Variants in ZNF30 observed in about 807,000 individuals in gnomAD.
ZNF30 encodes the protein zinc finger protein 30 (KOX 28).
ZNF30 carries 15 observed loss-of-function variants against 13.2 expected under a neutral mutation model. The ratio of observed to expected loss-of-function variants is 1.13; its 90% CI spans 0.76 to 1.75. ZNF30 has a LOEUF of 1.75. Ranked by LOEUF, ZNF30 falls within the 40% of genes most tolerant of loss-of-function variation. ZNF30 has a pLI of 0.00. For missense variants in ZNF30, 726 were observed against 757.0 expected, an observed-to-expected ratio of 0.96 and a Z score of 0.48; for synonymous variants, 223 against 256.6, an observed-to-expected ratio of 0.87 and a Z score of 1.25.
At chr19:34,925,339 G>A (rs188552769), upstream of ZNF30, among the ~76,000 whole-genome samples, 3 of 152,356 alleles carry the variant, frequency 2.0e-5, no homozygotes, top group East Asian at 5.8e-4. Context: ...GAGGATGACT[G>A]CAGGGTTTTG....
chr19:34,943,519 T>G lies in ZNF30; in HGVS notation c.553T>G (p.Phe185Val). 6.2e-7 allele frequency: 1 copy of G among 1,613,688 alleles called. No individual in the cohort carries two copies. The highest frequency in any genetic ancestry group is 8.5e-7 in the Non-Finnish European group (1 of 1,179,736). ...TAAATATGAAAAATGTGGGAAGGCCTTTATCAGTGGCTCAGCCTTTGTTAA... is the reference window on the plus strand; with the variant it reads ...TAAATATGAAAAATGTGGGAAGGCCGTTATCAGTGGCTCAGCCTTTGTTAA... The part of the protein sequence containing the change: ...PYKYEKCGKA[F>V]ISGSAFVKHG... Residue 185 changes from phenylalanine to valine, a missense_variant, in exon 5 of 5, where the codon TTT becomes GTT. Phe to Val is a conservative substitution (Grantham distance 50). Coordinates refer to ENST00000601142, the MANE Select transcript of ZNF30 (RefSeq NM_194325.3).
At chr19:34,940,637 C>G (rs75905771) in intron 4 of ZNF30, among the ~76,000 whole-genome samples, 2,404 of 143,382 alleles carry the variant, frequency 0.017, 73 homozygotes, top group African/African-American at 0.06. Flanking sequence ...CACAGCACTC[C>G]TGCCTGGGCA....
chr19:34,937,075 G>T (rs975232482), intron 4 of ZNF30, among the ~76,000 whole-genome samples: 1 of 151,682 alleles, frequency 6.6e-6, no homozygotes, highest in Non-Finnish European at 1.5e-5. Flanking sequence ...GCAGTGGTGC[G>T]ATCTCAGCTC....
chr19:34,938,769 A>G (rs1600227691), intron 4 of ZNF30, among the ~76,000 whole-genome samples: 1 of 152,148 alleles, frequency 6.6e-6, no homozygotes, highest in Non-Finnish European at 1.5e-5. Flanking sequence ...CTGTTTGGAA[A>G]ATGCCATAGC....
chr19:34,939,091 T>A (rs971260190), intron 4 of ZNF30, among the ~76,000 whole-genome samples: 11 of 149,462 alleles, frequency 7.4e-5, no homozygotes, highest in Non-Finnish European at 1.3e-4. Flanking sequence ...TTCCACTCAG[T>A]CCACATGCAA....
Position 34,943,640 on chromosome 19 carries a change from T to G in ZNF30, c.674T>G (p.Ile225Ser). The change falls in exon 5 of 5, where the codon ATT becomes AGT. Residue 225 changes from isoleucine (I) to serine (S), a missense_variant. By Grantham distance (142) the Ile-to-Ser change is moderately radical. Coordinates refer to ENST00000601142, the MANE Select transcript of ZNF30 (RefSeq NM_194325.3). ...TATCAACTTACAGTACATAAGAGTA[T>G]TCATACTGGGAAGAAACCATATGAG... ...GSYQLTVHKS[I>S]HTGKKPYECG... The G allele has an allele frequency of 1.2e-6, 2 of 1,613,742 alleles. No individual in the cohort carries two copies. Among genetic ancestry groups the G allele is most frequent in the Non-Finnish European group, 1.7e-6 (2 of 1,179,802 alleles).
intron 1 of ZNF30, among the ~76,000 whole-genome samples, chr19:34,928,320 T>C (rs956032166): frequency 2.7e-4 from 39 of 143,402 alleles, no homozygotes; most frequent in Non-Finnish European, 5.1e-4. Context: ...TAAAATGAAA[T>C]AAAGGATGTA....
intron 4 of ZNF30, among the ~76,000 whole-genome samples, chr19:34,941,091 T>C (rs1292427385): frequency 9.9e-5 from 15 of 152,242 alleles, no homozygotes; most frequent in Non-Finnish European, 4.4e-5. Flanking sequence ...CAGTTGCCTA[T>C]CCAGTTTCAT....
At chr19:34,930,282 G>C (rs1476747713) in intron 2 of ZNF30, among the ~76,000 whole-genome samples, 1 of 152,212 alleles carries the variant, frequency 6.6e-6, no homozygotes, top group Non-Finnish European at 1.5e-5. Flanking sequence ...AGTTTGATCT[G>C]TTGGCTTCAT....
At chr19:34,924,841 C>G (rs575086154), upstream of ZNF30, among the ~76,000 whole-genome samples, 1 of 152,324 alleles carries the variant, frequency 6.6e-6, no homozygotes, top group East Asian at 1.9e-4. Context: ...GACTGGTCAA[C>G]AAACAGCTGC....
upstream of ZNF30, among the ~76,000 whole-genome samples, chr19:34,925,214 C>A (rs1343036741): frequency 1.3e-5 from 2 of 152,190 alleles, no homozygotes; most frequent in South Asian, 2.1e-4. Flanking sequence ...TGTCCGCAGG[C>A]GGCTTATGTT....
intron 4 of ZNF30, among the ~76,000 whole-genome samples, chr19:34,937,851 T>C (rs1321724462): frequency 6.6e-6 from 1 of 152,086 alleles, no homozygotes. Context: ...CAGGCTAGAG[T>C]GCAGTGGTGC....
At chr19:34,935,980 G>A (rs1209296847) in intron 4 of ZNF30, among the ~76,000 whole-genome samples, 1 of 152,212 alleles carries the variant, frequency 6.6e-6, no homozygotes, top group African/African-American at 2.4e-5. Context: ...AGGGCCAAGT[G>A]ACAGGGGTTT....
upstream of ZNF30, among the ~76,000 whole-genome samples, chr19:34,925,110 G>A (rs565303196): frequency 1.3e-5 from 2 of 152,076 alleles, no homozygotes; most frequent in African/African-American, 4.8e-5. Context: ...GTATACAGAC[G>A]GGCGGGCTGT....
At position 34,931,917 on chromosome 19, in the gene ZNF30, G is replaced by A; in HGVS notation, c.84G>A (p.Trp28Ter). 1 of 1,613,526 alleles carries A rather than the reference G, an allele frequency of 6.2e-7. No homozygotes were observed. Among genetic ancestry groups the A allele is most frequent in the South Asian group, 1.1e-5 (1 of 90,850 alleles). The stretch of plus-strand genomic sequence containing the variant: ...CCATAGCCTTCTCCCAGCAGGAGTG[G>A]GAGAGTCTGGACTCTTCCCAGAGGG... ...DVAIAFSQQEWESLDSSQRGL... is the reference protein window; with the variant it reads ...DVAIAFSQQE The change falls in exon 3 of 5, where the codon TGG becomes TGA. Residue 28 changes from tryptophan to a stop codon, truncating the protein, a stop_gained. Coordinates refer to ENST00000601142, the MANE Select transcript of ZNF30 (RefSeq NM_194325.3). LOFTEE classifies it high-confidence loss of function.
At chr19:34,928,478 A>C (rs534245678) in intron 1 of ZNF30, among the ~76,000 whole-genome samples, 1 of 152,166 alleles carries the variant, frequency 6.6e-6, no homozygotes, top group African/African-American at 2.4e-5. Flanking sequence ...CCATGTTCAC[A>C]TAACTTTTAT....
At chr19:34,940,283 G>C (rs2012970947) in intron 4 of ZNF30, among the ~76,000 whole-genome samples, 1 of 152,152 alleles carries the variant, frequency 6.6e-6, no homozygotes, top group Non-Finnish European at 1.5e-5. Flanking sequence ...TCTGAAGATA[G>C]GCCGTTATCT....
intron 4 of ZNF30, among the ~76,000 whole-genome samples, chr19:34,934,951 C>T (rs371039529): frequency 1.6e-4 from 24 of 152,062 alleles, no homozygotes; most frequent in African/African-American, 3.6e-4. Context: ...AAAAACAGGC[C>T]GGGCGCGGTG....
rs1313582222 is a variant in ZNF30 at position 34,940,050 on chromosome 19, A to AC, written c.257-3172dup. On this transcript the variant is annotated intron_variant, in intron 4 of 4. Coordinates refer to ENST00000601142, the MANE Select transcript of ZNF30 (RefSeq NM_194325.3). ...GTTCTTTTGAAGGCCTTTAAGAAAG[A>AC]CTAAATGTCATGAAATACTAATTCT... Among the ~76,000 whole-genome samples the AC allele has an allele frequency of 2.0e-5, 3 of 152,264 alleles. No individual in the cohort carries two copies. The East Asian group carries it at 5.8e-4, about 29-fold the overall frequency.
Sources: gnomAD v4.1 joint callset for allele counts (sites outside exome capture counted in the v4.1 genomes callset) on GRCh38, gnomAD v4.1.1 for gene constraint, MANE v1.5 for transcripts, NCBI Gene and HGNC (gene_info 2026-07-23, HGNC 2026-07-21) for gene names.